The following DHRS13 variants were observed in gnomAD, a reference collection of about 807,000 sequenced individuals.
DHRS13 encodes dehydrogenase/reductase 13.
A neutral mutation model predicts 17.9 loss-of-function variants in DHRS13; 22 were observed. The observed-to-expected ratio is 1.23, with a 90% CI of 0.88 to 1.75. The LOEUF is 1.75. DHRS13 is among the 40% of genes most tolerant of loss of function. The pLI is 0.00. For synonymous variants in DHRS13, 206 were observed against 220.4 expected, an observed-to-expected ratio of 0.93 and a Z score of 0.58; for missense variants, 483 against 519.9, an observed-to-expected ratio of 0.93 and a Z score of 0.69.
rs1390066309 is a variant in DHRS13, at chr17:28,899,068, A to G, written c.683-176T>C. 1.7e-6 allele frequency: 1 copy of G among 588,654 alleles called. No homozygotes were observed. Among genetic ancestry groups the G allele is most frequent in the African/African-American group, 1.9e-5 (1 of 52,276 alleles). 36.5% of individuals were successfully genotyped at this position (588,654 alleles called of 1,614,324 possible). On this transcript the variant is annotated intron_variant, in intron 4 of 4. Coordinates refer to ENST00000378895, the MANE Select transcript of DHRS13 (RefSeq NM_144683.4). The surrounding 1 kb of genome is among the most constrained non-coding windows in gnomAD (Gnocchi z 4.7). ...AAAAAAACAACAACAAAAAAAATAG[A>G]ACAGAGCTAGAAGAACAGGGACAGA...
intron 4 of DHRS13, among the ~76,000 whole-genome samples, chr17:28,900,070 C>T (rs568231497): frequency 6.6e-6 from 1 of 152,266 alleles, no homozygotes; most frequent in African/African-American, 2.4e-5. Context: ...CGCGCCACCA[C>T]ACCTGGCTAA....
rs1481752726 is a variant in DHRS13 at position 28,899,804 on chromosome 17, T to C, written c.683-912A>G. 1.3e-5 allele frequency among the ~76,000 whole-genome samples: 2 copies of C among 152,222 alleles called. No homozygotes were observed. Among genetic ancestry groups the C allele is most frequent in the Non-Finnish European group, 2.9e-5 (2 of 68,034 alleles). On this transcript the variant is annotated intron_variant, in intron 4 of 4. Coordinates refer to ENST00000378895, the MANE Select transcript of DHRS13 (RefSeq NM_144683.4). This position sits in a 1 kb window ranked among gnomAD's most constrained non-coding sequence, Gnocchi z 4.7. ...CTTACTGGCAACGTCCACCTCTAGG[T>C]TCAGGCGATTCTCCTGCCTCAGCCT...
rs575089518 is a variant in DHRS13 at position 28,901,394 on chromosome 17, C to G, written c.371-93G>C. On this transcript the variant is annotated intron_variant, in intron 3 of 4. Coordinates refer to ENST00000378895, the MANE Select transcript of DHRS13 (RefSeq NM_144683.4). The surrounding 1 kb of genome is among the most constrained non-coding windows in gnomAD (Gnocchi z 4.3). The stretch of plus-strand genomic sequence containing the variant: ...TGAGATGGGAGAAGGGGGCATCCTT[C>G]CCATGTGTCCACTGGCCCCAGCAGG... The G allele has an allele frequency of 2.5e-6, 4 of 1,594,394 alleles. No individual in the cohort carries two copies. Among genetic ancestry groups the G allele is most frequent in the Non-Finnish European group, 3.4e-6 (4 of 1,169,962 alleles).
Position 28,898,665 on chromosome 17 carries a change from A to G in DHRS13, c.910T>C (p.Trp304Arg). Residue 304 changes from tryptophan (W) to arginine (R), a missense_variant, in exon 5 of 5, where the codon TGG becomes CGG. Trp to Arg is a moderately radical substitution (Grantham distance 101, BLOSUM62 -3). Coordinates refer to ENST00000378895, the MANE Select transcript of DHRS13 (RefSeq NM_144683.4). ...CCTGCCAGCCTCTTGCTGGCCTCCC[A>G]TAGCCGATGGGCTGCCCGGTCGTCT... ...ARDDRAAHRL[W>R]EASKRLAGLG... 1.2e-6 allele frequency: 2 copies of G among 1,613,770 alleles called. No homozygotes were observed. Among genetic ancestry groups the G allele is most frequent in the Non-Finnish European group, 1.7e-6 (2 of 1,179,868 alleles).
In DHRS13 at chr17:28,901,725, C is replaced by T; in HGVS notation, c.247-109G>A. ...CTCCTACTGTTTACTAAAATCTGCCCCTGTGTCTTAGAGTGTACTAGATAA... is the reference window on the plus strand; with the variant it reads ...CTCCTACTGTTTACTAAAATCTGCCTCTGTGTCTTAGAGTGTACTAGATAA... On this transcript the variant is annotated intron_variant, in intron 2 of 4. Coordinates refer to ENST00000378895, the MANE Select transcript of DHRS13 (RefSeq NM_144683.4). This position sits in a 1 kb window ranked among gnomAD's most constrained non-coding sequence, Gnocchi z 4.3. 1 of 1,521,646 alleles carries T rather than the reference C, an allele frequency of 6.6e-7. No homozygotes were observed. Among genetic ancestry groups the T allele is most frequent in the East Asian group, 2.3e-5 (1 of 43,446 alleles). The allele number at this position is 1,521,646 out of a possible 1,614,324, so 94.3% of individuals were successfully genotyped here. A position where few individuals can be genotyped will look rare whatever the true frequency, so the allele number is the denominator to read the frequency against.
chr17:28,902,326 T>G lies in DHRS13; in HGVS notation c.246+257A>C, dbSNP rs1335611333. On this transcript the variant is annotated intron_variant, in intron 2 of 4. Coordinates refer to ENST00000378895, the MANE Select transcript of DHRS13 (RefSeq NM_144683.4). The surrounding 1 kb of genome is among the most constrained non-coding windows in gnomAD (Gnocchi z 4.0). ...TGCCCTCTGCTGTTCCCTTTCCTAC[T>G]GATCATTAACCCAACTTCTACTGAT... 1.3e-5 allele frequency among the ~76,000 whole-genome samples: 2 copies of G among 152,228 alleles called. No individual in the cohort carries two copies. The highest frequency in any genetic ancestry group is 3.8e-4 in the East Asian group (2 of 5,200).
Position 28,902,642 on chromosome 17 carries a change from C to T in DHRS13, c.187G>A (p.Val63Met). The change falls in exon 2 of 5, where the codon GTG becomes ATG. Residue 63 changes from valine (V) to methionine (M), a missense_variant. Transcript: ENST00000378895. The surrounding 1 kb of genome is among the most constrained non-coding windows in gnomAD (Gnocchi z 4.0). Reference sequence around the variant, plus strand: ...TCCTGGCTGCGGCAGGCCAGCACCACGCGCGCTCCCCGGCGCGCCAGCTCC... The same window carrying T: ...TCCTGGCTGCGGCAGGCCAGCACCATGCGCGCTCCCCGGCGCGCCAGCTCC... Reference protein sequence around the residue: ...ALELARRGARVVLACRSQERG... With the variant: ...ALELARRGARMVLACRSQERG... The T allele has an allele frequency of 2.1e-6, 3 of 1,447,016 alleles. No individual in the cohort carries two copies. The highest frequency in any genetic ancestry group is 2.8e-5 in the Admixed American group (1 of 35,938). 89.6% of individuals were successfully genotyped at this position (1,447,016 alleles called of 1,614,324 possible). A position where few individuals can be genotyped will look rare whatever the true frequency, so the allele number is the denominator to read the frequency against.
chr17:28,898,952 C>T (rs983080693), intron 4 of DHRS13, 60 bp from the exon 5 acceptor site: 25 of 1,479,424 alleles, frequency 1.7e-5, no homozygotes, highest in Non-Finnish European at 2.2e-5. Context: ...TTTACAGTCA[C>T]AGCTACTCGG....
rs751440834 is a variant in DHRS13, at chr17:28,898,737, T to C, written c.838A>G (p.Arg280Gly). 18 of 1,613,898 alleles carry C rather than the reference T, an allele frequency of 1.1e-5. No individual in the cohort carries two copies. The highest frequency in any genetic ancestry group is 1.5e-5 in the Non-Finnish European group (18 of 1,179,930). Residue 280 changes from arginine (R) to glycine (G), a missense_variant, in exon 5 of 5, where the codon AGA becomes GGA. Transcript: ENST00000378895. Reference protein sequence around the residue: ...LQEGIEPLSGRYFANCHVEEV... With the variant: ...LQEGIEPLSGGYFANCHVEEV... The stretch of plus-strand genomic sequence containing the variant: ...TCCACATGGCAGTTGGCAAAATATC[T>C]CCCACTGAGGGGCTCGATGCCCTCT...
rs913388383 is a variant in DHRS13 at position 28,901,426 on chromosome 17, G to C, written c.370+67C>G. On this transcript the variant is annotated intron_variant, in intron 3 of 4. Coordinates refer to ENST00000378895, the MANE Select transcript of DHRS13 (RefSeq NM_144683.4). The surrounding 1 kb of genome is among the most constrained non-coding windows in gnomAD (Gnocchi z 4.3). ...GTCCACTGGCCCCAGCAGGGCCCCCGCTGGAGGGGGCAGTTGCCCCTGGCC... is the reference window on the plus strand; with the variant it reads ...GTCCACTGGCCCCAGCAGGGCCCCCCCTGGAGGGGGCAGTTGCCCCTGGCC... The C allele has an allele frequency of 7.5e-6, 12 of 1,607,190 alleles. No individual in the cohort carries two copies. The African/African-American group carries it at 1.6e-4, about 21-fold the overall frequency.
In DHRS13 at chr17:28,898,666, T is replaced by C. The variant is rs746978540; in HGVS notation, c.909A>G (p.Leu303=). The C allele has an allele frequency of 5.4e-5, 87 of 1,613,682 alleles. No homozygotes were observed. The highest frequency in any genetic ancestry group is 6.8e-5 in the Non-Finnish European group (80 of 1,179,882). ...AARDDRAAHR[L]WEASKRLAGL... ...CTGCCAGCCTCTTGCTGGCCTCCCA[T>C]AGCCGATGGGCTGCCCGGTCGTCTC... Residue 303 remains leucine, a synonymous_variant, in exon 5 of 5, where the codon CTA becomes CTG. Coordinates refer to ENST00000378895, the MANE Select transcript of DHRS13 (RefSeq NM_144683.4).
chr17:28,898,170 G>A lies in DHRS13; in HGVS notation c.*271C>T, dbSNP rs191485425. ...AGCTGATCAGAATCAATAAGGGTGG[G>A]GCCTGAAAATACTACATCCAAATTT... On this transcript the variant is annotated 3_prime_UTR_variant, in exon 5 of 5. Coordinates refer to ENST00000378895, the MANE Select transcript of DHRS13 (RefSeq NM_144683.4). 120 of 483,536 alleles carry A rather than the reference G, an allele frequency of 2.5e-4. No individual in the cohort carries two copies. The Admixed American group carries it at 3.0e-3, about 12-fold the overall frequency. The allele number at this position is 483,536 out of a possible 1,614,324, so 30.0% of individuals were successfully genotyped here.
chr17:28,898,551 C>T lies in DHRS13; in HGVS notation c.1024G>A (p.Glu342Lys). Residue 342 changes from glutamate to lysine, a missense_variant, in exon 5 of 5, where the codon GAG (glutamate) becomes AAG (lysine). Physicochemically the swap from Glu to Lys is moderately conservative, Grantham distance 56 (BLOSUM62 1). Transcript: ENST00000378895. ...APSSLSTPHP[E>K]EPTVSQPYPS... ...TAAGGTTGAGAAACTGTGGGCTCCT[C>T]AGGGTGGGGGGTGCTTAGAGAAGAT... The T allele has an allele frequency of 6.2e-7, 1 of 1,612,048 alleles. No individual in the cohort carries two copies. Among genetic ancestry groups the T allele is most frequent in the South Asian group, 1.1e-5 (1 of 90,778 alleles).
chr17:28,901,392 T>G lies in DHRS13; in HGVS notation c.371-91A>C. 6.3e-7 allele frequency: 1 copy of G among 1,593,338 alleles called. No individual in the cohort carries two copies. Among genetic ancestry groups the G allele is most frequent in the Non-Finnish European group, 8.6e-7 (1 of 1,169,252 alleles). ...TATGAGATGGGAGAAGGGGGCATCC[T>G]TCCCATGTGTCCACTGGCCCCAGCA... On this transcript the variant is annotated intron_variant, in intron 3 of 4. Transcript: ENST00000378895. This position sits in a 1 kb window ranked among gnomAD's most constrained non-coding sequence, Gnocchi z 4.3.
chr17:28,902,761 GC>G lies in DHRS13; in HGVS notation c.127+56del. On this transcript the variant is annotated intron_variant, in intron 1 of 4. Transcript: ENST00000378895. The surrounding 1 kb of genome is among the most constrained non-coding windows in gnomAD (Gnocchi z 4.0). ...GCCCGGCGGGCCGCTGCTACCGCCG[GC>G]CCGGCCTCCTCTCCGCGCGCCCCGC... 7.1e-7 allele frequency: 1 copy of G among 1,413,832 alleles called. No homozygotes were observed. Among genetic ancestry groups the G allele is most frequent in the Non-Finnish European group, 9.2e-7 (1 of 1,091,106 alleles). 87.6% of individuals were successfully genotyped at this position (1,413,832 alleles called of 1,614,324 possible). A position where few individuals can be genotyped will look rare whatever the true frequency, so the allele number is the denominator to read the frequency against.
rs139871089 is a variant in DHRS13, at chr17:28,898,530, GT to G, written c.1044del (p.Gln348HisfsTer15). The G allele has an allele frequency of 2.3e-4, 363 of 1,611,184 alleles. 3 individuals are homozygous for G. The African/African-American group carries it at 4.3e-3, about 19-fold the overall frequency. On this transcript the variant is annotated frameshift_variant, in exon 5 of 5. Transcript: ENST00000378895. LOFTEE classifies it low-confidence loss of function (END_TRUNC). ...GGTGAGCTCTGAGGGCTGGGGTAAG[GT>G]TGAGAAACTGTGGGCTCCTCAGGGT... is the stretch of plus-strand genomic sequence containing the variant. ...TPHPEEPTVS[Q>X]PYPSPQSSPD...
intron 4 of DHRS13, 68 bp from the exon 5 acceptor site, chr17:28,898,960 C>T (rs867678119): frequency 1.6e-5 from 23 of 1,452,634 alleles, no homozygotes; most frequent in African/African-American, 5.8e-5. Context: ...CACAGCTACT[C>T]GGGAGGCGGA....
In DHRS13 at chr17:28,899,663, C is replaced by G. The variant is rs1388208325; in HGVS notation, c.683-771G>C. 6.6e-6 allele frequency: 1 copy of G among 152,468 alleles called. No homozygotes were observed. Among genetic ancestry groups the G allele is most frequent in the Non-Finnish European group, 1.5e-5 (1 of 68,212 alleles). The allele number at this position is 152,468 out of a possible 1,614,324, so 9.4% of individuals were successfully genotyped here. A position where few individuals can be genotyped will look rare whatever the true frequency, so the allele number is the denominator to read the frequency against. On this transcript the variant is annotated intron_variant, in intron 4 of 4. Coordinates refer to ENST00000378895, the MANE Select transcript of DHRS13 (RefSeq NM_144683.4). This position sits in a 1 kb window ranked among gnomAD's most constrained non-coding sequence, Gnocchi z 4.7. ...CCTCACTCTGTTCCAGCCACATTAG[C>G]CTTTCTCAAGCACACCAGGAACTTC...
In DHRS13 at chr17:28,901,902, A is replaced by G; in HGVS notation, c.247-286T>C. The G allele has an allele frequency of 2.5e-6, 1 of 400,636 alleles. No homozygotes were observed. Among genetic ancestry groups the G allele is most frequent in the Non-Finnish European group, 4.5e-6 (1 of 221,358 alleles). 24.8% of individuals were successfully genotyped at this position (400,636 alleles called of 1,614,324 possible). A position where few individuals can be genotyped will look rare whatever the true frequency, so the allele number is the denominator to read the frequency against. ...ACTGAGCTTTTGTGAGGATGAAAGG[A>G]GTTAACGTGTAAAATACACTCTAGC... On this transcript the variant is annotated intron_variant, in intron 2 of 4. Coordinates refer to ENST00000378895, the MANE Select transcript of DHRS13 (RefSeq NM_144683.4). This position sits in a 1 kb window ranked among gnomAD's most constrained non-coding sequence, Gnocchi z 4.3.
Sources: allele counts gnomAD v4.1 joint callset (sites outside exome capture counted in the v4.1 genomes callset), GRCh38; gene constraint gnomAD v4.1.1; non-coding constraint Gnocchi (gnomAD v3.1); transcripts MANE v1.5; gene names NCBI Gene and HGNC (gene_info 2026-07-23, HGNC 2026-07-21).